Variants in EVI5 observed in about 807,000 individuals in gnomAD.
The protein encoded by EVI5 is ecotropic viral integration site 5.
Under a neutral mutation model 112.0 loss-of-function variants are expected in EVI5, and 73 were observed. The observed-to-expected ratio is 0.65, with a 90% CI of 0.54 to 0.79. The LOEUF is 0.79. Ranked by LOEUF, EVI5 falls within the 30% of genes least tolerant of loss-of-function variation. The probability of loss-of-function intolerance (pLI) is 0.00; values close to 1 mark genes in which losing one functional copy is unlikely to be tolerated. For synonymous variants in EVI5, 305 were observed against 319.9 expected, an observed-to-expected ratio of 0.95 and a Z score of 0.50; for missense variants, 900 against 968.8, an observed-to-expected ratio of 0.93 and a Z score of 0.94.
chr1:92,721,086 A>T (rs1015893951), intron 2 of EVI5, among the ~76,000 whole-genome samples: 1 of 152,240 alleles, frequency 6.6e-6, no homozygotes, highest in African/African-American at 2.4e-5. Flanking sequence ...GTGGGAGTGT[A>T]AATTAGTTCA....
At chr1:92,714,612 G>C (rs1673334385) in intron 2 of EVI5, among the ~76,000 whole-genome samples, 1 of 152,192 alleles carries the variant, frequency 6.6e-6, no homozygotes, top group Non-Finnish European at 1.5e-5. Context: ...TTTTCAAAGA[G>C]AGGGTCTTGC....
chr1:92,747,587 GCCTGTAGT>G (rs1348588514), intron 1 of EVI5, among the ~76,000 whole-genome samples: 1 of 151,836 alleles, frequency 6.6e-6, no homozygotes, highest in Non-Finnish European at 1.5e-5. Flanking sequence ...GATGTTGGGT[GCCTGTAGT>G]CCCAGCTACT....
intron 2 of EVI5, among the ~76,000 whole-genome samples, chr1:92,724,326 T>C (rs994942723): frequency 2.0e-5 from 3 of 151,958 alleles, no homozygotes; most frequent in African/African-American, 7.3e-5. Context: ...TTAGGGAAAA[T>C]AGAAAAGAAC....
intron 1 of EVI5, among the ~76,000 whole-genome samples, chr1:92,770,811 C>A (rs1683312269): frequency 6.6e-6 from 1 of 151,784 alleles, no homozygotes; most frequent in Non-Finnish European, 1.5e-5. Flanking sequence ...AAAGAAACCT[C>A]CAAAAGTCTG....
chr1:92,772,272 C>A (rs1055117856), intron 1 of EVI5, among the ~76,000 whole-genome samples: 4 of 151,488 alleles, frequency 2.6e-5, no homozygotes, highest in Non-Finnish European at 5.9e-5. Context: ...CCAAGAAATA[C>A]AAGAAATAAT....
chr1:92,653,882 A>C (rs1156878235), intron 13 of EVI5, among the ~76,000 whole-genome samples: 1 of 152,152 alleles, frequency 6.6e-6, no homozygotes, highest in East Asian at 1.9e-4. Context: ...TGTCTGACCA[A>C]TTTGAGTGTT....
chr1:92,771,463 A>G (rs960343324), intron 1 of EVI5, among the ~76,000 whole-genome samples: 7 of 152,070 alleles, frequency 4.6e-5, no homozygotes, highest in African/African-American at 1.7e-4. Context: ...AGCCTATAAC[A>G]GATACATAGG....
intron 19 of EVI5, among the ~76,000 whole-genome samples, chr1:92,527,456 G>GA (rs973162335): frequency 4.9e-5 from 7 of 142,646 alleles, no homozygotes; most frequent in East Asian, 4.1e-4. Flanking sequence ...TAAAAGAAAA[G>GA]AAAAAAAAAG....
rs138558893 is a variant in EVI5 at position 92,632,621 on chromosome 1, C to G, written c.1527+3581G>C. ...CTATTTTGTTGATCTTTTCAAAAAA[C>G]CAGCTCCTGGATTCATTGATTTTTT... On this transcript the variant is annotated intron_variant, in intron 14 of 19. Coordinates refer to ENST00000684568, the MANE Select transcript of EVI5 (RefSeq NM_001350197.2). Among the ~76,000 whole-genome samples the G allele has an allele frequency of 9.4e-3, 1,436 of 152,236 alleles. 19 individuals are homozygous for G. The highest frequency in any genetic ancestry group is 0.033 in the African/African-American group (1,351 of 41,526).
intron 1 of EVI5, among the ~76,000 whole-genome samples, chr1:92,765,814 G>C (rs1176257751): frequency 1.3e-5 from 2 of 152,084 alleles, no homozygotes; most frequent in Non-Finnish European, 2.9e-5. Flanking sequence ...GGTGGTTCAT[G>C]CCTGTAATCC....
chr1:92,645,091 G>A (rs1044669955), intron 13 of EVI5, among the ~76,000 whole-genome samples: 8 of 152,202 alleles, frequency 5.3e-5, no homozygotes, highest in Non-Finnish European at 8.8e-5. Context: ...AGACAGGGAT[G>A]TCGAAGACCT....
intron 9 of EVI5, among the ~76,000 whole-genome samples, chr1:92,692,060 G>C (rs1250353849): frequency 1.3e-5 from 2 of 152,138 alleles, no homozygotes; most frequent in Non-Finnish European, 2.9e-5. Flanking sequence ...CATGAATACA[G>C]GAAACAAAAG....
At chr1:92,679,150 T>G (rs1667206841) in intron 9 of EVI5, among the ~76,000 whole-genome samples, 1 of 152,180 alleles carries the variant, frequency 6.6e-6, no homozygotes, top group African/African-American at 2.4e-5. Flanking sequence ...GAATTGTGCA[T>G]GCTGGGGATC....
chr1:92,607,916 C>T (rs573554239), intron 16 of EVI5, among the ~76,000 whole-genome samples, 189 bp from the exon 17 acceptor site: 5 of 151,860 alleles, frequency 3.3e-5, no homozygotes, highest in South Asian at 2.1e-4. Flanking sequence ...AAGGCTGAGG[C>T]GGGCGGATCA....
At chr1:92,663,011 C>T (rs1273493759) in intron 12 of EVI5, 146 bp from the exon 13 acceptor site, 1 of 331,026 alleles carries the variant, frequency 3.0e-6, no homozygotes, top group Non-Finnish European at 4.7e-6. Flanking sequence ...TAATCATTAG[C>T]TAGCAGCTTG....
At chr1:92,743,568 A>T (rs1436602026) in intron 1 of EVI5, among the ~76,000 whole-genome samples, 2 of 152,188 alleles carry the variant, frequency 1.3e-5, no homozygotes. Flanking sequence ...TTCTTTGGAA[A>T]GATGAAAAAA....
chr1:92,711,647 C>A (rs1295892021), intron 2 of EVI5, among the ~76,000 whole-genome samples: 1 of 151,874 alleles, frequency 6.6e-6, no homozygotes, highest in Non-Finnish European at 1.5e-5. Context: ...AGAGCAAGAC[C>A]CTGTTTCAAA....
At chr1:92,664,724 T>C (rs888399893) in intron 11 of EVI5, among the ~76,000 whole-genome samples, 12 of 152,204 alleles carry the variant, frequency 7.9e-5, no homozygotes, top group Non-Finnish European at 1.3e-4. Context: ...GTAATAAATA[T>C]CCTGTCCTTA....
At chr1:92,783,284 C>T (rs910254982) in intron 1 of EVI5, among the ~76,000 whole-genome samples, 21 of 150,324 alleles carry the variant, frequency 1.4e-4, no homozygotes, top group Non-Finnish European at 2.7e-4. Flanking sequence ...CCAGCACTTT[C>T]GAAGGCCGAG....
Sources: gnomAD v4.1 joint callset for allele counts (sites outside exome capture counted in the v4.1 genomes callset) on GRCh38, gnomAD v4.1.1 for gene constraint, MANE v1.5 for transcripts, NCBI Gene and HGNC (gene_info 2026-07-23, HGNC 2026-07-21) for gene names.